OR51B5: variants seen among roughly 807,000 people sequenced by gnomAD.
The protein encoded by OR51B5 is olfactory receptor family 51 subfamily B member 5, also known as olfactory receptor 51B5.
For missense variants in OR51B5, 456 were observed against 374.6 expected (o/e 1.22, Z -1.79); for synonymous variants, 186 against 144.8 (o/e 1.28, Z -2.04).
chr11:5,471,260 C>A (rs1490489352), intron 1 of OR51B5, among the ~76,000 whole-genome samples: 1 of 152,092 alleles, frequency 6.6e-6, no homozygotes, highest in African/African-American at 2.4e-5. Flanking sequence ...TCATTTTATT[C>A]TCAATGCTTA....
chr11:5,351,108 C>T (rs972234288), intron 1 of OR51B5, among the ~76,000 whole-genome samples: 5 of 152,116 alleles, frequency 3.3e-5, no homozygotes, highest in African/African-American at 9.7e-5. Context: ...ATAATACCAC[C>T]AGTCAGGATG....
chr11:5,345,163 G>A (rs1052750065), upstream of OR51B5, among the ~76,000 whole-genome samples: 1 of 152,158 alleles, frequency 6.6e-6, no homozygotes, highest in Non-Finnish European at 1.5e-5. Flanking sequence ...TATAAATGTA[G>A]TAAAGACATT....
intron 1 of OR51B5, among the ~76,000 whole-genome samples, chr11:5,445,087 T>C (rs1301435714): frequency 6.6e-6 from 1 of 152,158 alleles, no homozygotes. Context: ...AGTGCTCTAG[T>C]CACTAATTGT....
upstream of OR51B5, among the ~76,000 whole-genome samples, chr11:5,344,590 C>A (rs1848960976): frequency 6.6e-6 from 1 of 152,076 alleles, no homozygotes; most frequent in African/African-American, 2.4e-5. Context: ...CCTTCTGCCA[C>A]TAGACTAGGG....
At chr11:5,491,735 T>C (rs1342706947) in intron 1 of OR51B5, among the ~76,000 whole-genome samples, 1 of 152,226 alleles carries the variant, frequency 6.6e-6, no homozygotes, top group African/African-American at 2.4e-5. Flanking sequence ...AAAGGCAGAA[T>C]TTCCCAAAGT....
chr11:5,463,733 A>C (rs1218790344), intron 1 of OR51B5, among the ~76,000 whole-genome samples: 2 of 152,216 alleles, frequency 1.3e-5, no homozygotes, highest in African/African-American at 4.8e-5. Flanking sequence ...TCCCAGTGTT[A>C]CATTTGAAGG....
intron 1 of OR51B5, among the ~76,000 whole-genome samples, chr11:5,380,722 T>C (rs1444204977): frequency 1.3e-5 from 2 of 152,106 alleles, no homozygotes; most frequent in East Asian, 3.8e-4. Context: ...TTTTATGTGT[T>C]TGTAAGATGT....
upstream of OR51B5, among the ~76,000 whole-genome samples, chr11:5,345,469 A>G (rs1848976817): frequency 1.3e-5 from 2 of 152,158 alleles, no homozygotes; most frequent in Admixed American, 6.5e-5. Context: ...GAAAAATCAA[A>G]TGAGGTTTCC....
At chr11:5,343,028 T>C (rs753082360) in exon 1 of OR51B5, 6 of 1,613,144 alleles carry the variant, frequency 3.7e-6, no homozygotes, top group Non-Finnish European at 5.1e-6. Flanking sequence ...GGAGTGACAA[T>C]ACAGAAAAAA....
intron 1 of OR51B5, among the ~76,000 whole-genome samples, chr11:5,412,854 C>T (rs1350122582): frequency 2.0e-5 from 3 of 151,500 alleles, no homozygotes; most frequent in Non-Finnish European, 4.4e-5. Flanking sequence ...GGCTCCACCT[C>T]TGGGGGCAGG....
intron 1 of OR51B5, among the ~76,000 whole-genome samples, chr11:5,363,851 G>A (rs1849325387): frequency 6.6e-6 from 1 of 152,176 alleles, no homozygotes; most frequent in African/African-American, 2.4e-5. Context: ...TAGCAATTAT[G>A]TTCCCTAGCT....
At chr11:5,374,440 G>A (rs1033251479) in intron 1 of OR51B5, among the ~76,000 whole-genome samples, 4 of 152,206 alleles carry the variant, frequency 2.6e-5, no homozygotes, top group Non-Finnish European at 5.9e-5. Context: ...CTCCTCCAAA[G>A]GAAAGCAGTT....
chr11:5,440,923 T>G, intron 1 of OR51B5: 1 of 1,613,890 alleles, frequency 6.2e-7, no homozygotes, highest in African/African-American at 1.3e-5. Context: ...CCATAAATGT[T>G]GTTAACATGG....
intron 1 of OR51B5, among the ~76,000 whole-genome samples, chr11:5,380,934 C>A (rs1023633274): frequency 6.6e-6 from 1 of 152,066 alleles, no homozygotes; most frequent in Non-Finnish European, 1.5e-5. Context: ...CTGAATGCTC[C>A]CCCTGGTGGC....
At chr11:5,504,954 T>C (rs1846350619) in intron 1 of OR51B5, among the ~76,000 whole-genome samples, 1 of 152,208 alleles carries the variant, frequency 6.6e-6, no homozygotes, top group African/African-American at 2.4e-5. Context: ...AAGAGAATTA[T>C]CCACTAAATG....
intron 1 of OR51B5, among the ~76,000 whole-genome samples, chr11:5,405,172 AT>A: frequency 6.6e-6 from 1 of 152,216 alleles, no homozygotes. Flanking sequence ...TTAACATAAA[AT>A]ATATACTAAG....
upstream of OR51B5, among the ~76,000 whole-genome samples, chr11:5,344,833 TGCA>T (rs1848965417): frequency 6.6e-6 from 1 of 152,148 alleles, no homozygotes; most frequent in Non-Finnish European, 1.5e-5. Flanking sequence ...CAAATATAAA[TGCA>T]AGTTTAACAT....
intron 1 of OR51B5, chr11:5,390,481 C>A: frequency 1.9e-6 from 2 of 1,034,180 alleles, no homozygotes; most frequent in Non-Finnish European, 1.4e-6. Flanking sequence ...AGATTTTTTG[C>A]CCCTGTCCTA....
chr11:5,394,522 C>G (rs531005986), intron 1 of OR51B5, among the ~76,000 whole-genome samples: 223 of 152,264 alleles, frequency 1.5e-3, no homozygotes, highest in Non-Finnish European at 2.2e-3. Flanking sequence ...ACAACTATCC[C>G]GTTATTTAAT....
Sources: gnomAD v4.1 joint callset for allele counts (sites outside exome capture counted in the v4.1 genomes callset) on GRCh38, gnomAD v4.1.1 for gene constraint, MANE v1.5 for transcripts, NCBI Gene and HGNC (gene_info 2026-07-23, HGNC 2026-07-21) for gene names.